LRP1B: variants seen among roughly 807,000 people sequenced by gnomAD.
LRP1B encodes the protein LDL receptor related protein 1B.
In LRP1B, 217 loss-of-function variants were observed where a neutral mutation model predicts 556.6. The ratio of observed to expected loss-of-function variants is 0.39; its 90% confidence interval spans 0.35 to 0.44. The LOEUF is 0.44. Among genes scored for constraint, LRP1B ranks in the 20% least tolerant of loss-of-function variants. LRP1B has a pLI of 1.00. For synonymous variants in LRP1B, 2,047 were observed against 1,865.8 expected (o/e 1.10, Z -2.50); for missense variants, 5,053 against 5,620.8 (o/e 0.90, Z 3.23).
intron 3 of LRP1B, among the ~76,000 whole-genome samples, chr2:141,379,230 T>C (rs1460386417): frequency 2.0e-5 from 3 of 152,224 alleles, no homozygotes; most frequent in Non-Finnish European, 4.4e-5. Flanking sequence ...GTGCTAAAAT[T>C]TAAAAATCTG....
At chr2:140,574,534 G>T (rs1681444991) in intron 43 of LRP1B, among the ~76,000 whole-genome samples, 1 of 152,120 alleles carries the variant, frequency 6.6e-6, no homozygotes, top group Non-Finnish European at 1.5e-5. Context: ...GTAAATGAAG[G>T]CAATATAATC....
At chr2:140,481,891 C>A in intron 59 of LRP1B, among the ~76,000 whole-genome samples, 1 of 151,900 alleles carries the variant, frequency 6.6e-6, no homozygotes, top group African/African-American at 2.4e-5. Context: ...TTGGATGTGC[C>A]ACACTCTTCT....
At chr2:141,358,929 A>G (rs527339977) in intron 3 of LRP1B, among the ~76,000 whole-genome samples, 2 of 152,294 alleles carry the variant, frequency 1.3e-5, no homozygotes, top group South Asian at 2.1e-4. Flanking sequence ...TTACTTACAA[A>G]GGAAATATTT....
chr2:141,787,554 A>T (rs1291766045), intron 2 of LRP1B, among the ~76,000 whole-genome samples: 1 of 151,882 alleles, frequency 6.6e-6, no homozygotes, highest in Non-Finnish European at 1.5e-5. Flanking sequence ...TAAGGACAAA[A>T]TACAGATCAG....
chr2:140,523,464 G>A (rs1217830634), intron 49 of LRP1B, among the ~76,000 whole-genome samples: 2 of 151,822 alleles, frequency 1.3e-5, no homozygotes, highest in Non-Finnish European at 2.9e-5. Context: ...CATTGCCCCT[G>A]AGATCTGGAA....
intron 41 of LRP1B, among the ~76,000 whole-genome samples, chr2:140,655,759 G>A (rs984026515): frequency 1.3e-5 from 2 of 152,106 alleles, no homozygotes; most frequent in Admixed American, 1.3e-4. Flanking sequence ...TGGCTAACAC[G>A]GTGAAACCCC....
At chr2:140,947,875 G>T (rs1695588555) in intron 20 of LRP1B, among the ~76,000 whole-genome samples, 1 of 152,012 alleles carries the variant, frequency 6.6e-6, no homozygotes, top group Non-Finnish European at 1.5e-5. Flanking sequence ...GGACTAACTG[G>T]ATCATTTCCA....
chr2:140,525,697 A>C (rs935464523), intron 49 of LRP1B, 147 bp downstream of exon 49: 20 of 654,736 alleles, frequency 3.1e-5, no homozygotes, highest in Non-Finnish European at 5.1e-5. Context: ...TGTTTAGAAC[A>C]GGTTAATTAC....
intron 3 of LRP1B, among the ~76,000 whole-genome samples, chr2:141,370,883 A>G (rs1001778931): frequency 2.0e-5 from 3 of 152,116 alleles, no homozygotes; most frequent in African/African-American, 7.2e-5. Context: ...TTTTCCCAGC[A>G]CCATTTATTG....
chr2:141,601,796 T>C (rs564677706), intron 2 of LRP1B, among the ~76,000 whole-genome samples: 7 of 152,146 alleles, frequency 4.6e-5, no homozygotes, highest in Admixed American at 2.0e-4. Context: ...AGAGACAGGG[T>C]TTCACCATGT....
chr2:141,906,100 G>A, intron 1 of LRP1B, among the ~76,000 whole-genome samples: 1 of 150,788 alleles, frequency 6.6e-6, no homozygotes, highest in East Asian at 2.0e-4. Context: ...GGGAGAGAGG[G>A]AATTTAAAAT....
At chr2:141,581,860 A>G (rs1686967178) in intron 2 of LRP1B, among the ~76,000 whole-genome samples, 1 of 152,218 alleles carries the variant, frequency 6.6e-6, no homozygotes, top group East Asian at 1.9e-4. Context: ...AAAGCCAGAT[A>G]TAACTATTCC....
At chr2:140,353,334 GCTTT>G (rs1298759200) in intron 75 of LRP1B, among the ~76,000 whole-genome samples, 3 of 151,600 alleles carry the variant, frequency 2.0e-5, no homozygotes, top group African/African-American at 2.4e-5. Context: ...CTTCCCTGGG[GCTTT>G]CTTTTTTCTT....
At chr2:140,658,507 TCTC>T (rs1684967727) in intron 41 of LRP1B, among the ~76,000 whole-genome samples, 1 of 152,038 alleles carries the variant, frequency 6.6e-6, no homozygotes, top group Admixed American at 6.5e-5. Context: ...AATTTTATTT[TCTC>T]ATCCTGAATT....
chr2:140,662,957 A>C (rs1240225048), intron 41 of LRP1B, among the ~76,000 whole-genome samples: 1 of 152,178 alleles, frequency 6.6e-6, no homozygotes, highest in Non-Finnish European at 1.5e-5. Flanking sequence ...AATCTATTAG[A>C]GTAAATGTGT....
At chr2:140,669,359 T>A (rs553361405) in intron 41 of LRP1B, among the ~76,000 whole-genome samples, 58 of 152,234 alleles carry the variant, frequency 3.8e-4, no homozygotes, top group South Asian at 2.7e-3. Context: ...GATCTACAAG[T>A]CACACAACCA....
chr2:140,766,181 A>G (rs1689097838), intron 35 of LRP1B, among the ~76,000 whole-genome samples: 1 of 143,008 alleles, frequency 7.0e-6, no homozygotes, highest in African/African-American at 2.5e-5. Flanking sequence ...ACCTATAATC[A>G]GGTGAAATAT....
chr2:140,821,694 A>C (rs1691334123), intron 31 of LRP1B, among the ~76,000 whole-genome samples: 1 of 152,238 alleles, frequency 6.6e-6, no homozygotes, highest in African/African-American at 2.4e-5. Flanking sequence ...AAGAAGATGT[A>C]CTGCAAGTTT....
intron 66 of LRP1B, among the ~76,000 whole-genome samples, chr2:140,406,336 C>G (rs1316291392): frequency 1.3e-5 from 2 of 151,944 alleles, no homozygotes; most frequent in Admixed American, 6.6e-5. Flanking sequence ...CTGAAAGTCC[C>G]AAGCCAGAGC....
Sources: gnomAD v4.1 joint callset for allele counts (sites outside exome capture counted in the v4.1 genomes callset) on GRCh38, gnomAD v4.1.1 for gene constraint, MANE v1.5 for transcripts, NCBI Gene and HGNC (gene_info 2026-07-23, HGNC 2026-07-21) for gene names.